The following GSPT1 variants were observed in gnomAD, a reference collection of about 807,000 sequenced individuals.
GSPT1 encodes eukaryotic peptide chain release factor GTP-binding subunit ERF3A.
GSPT1 carries 20 observed loss-of-function variants against 72.5 expected under a neutral mutation model. The observed-to-expected ratio is 0.28, with a 90% CI of 0.19 to 0.40. The LOEUF is 0.40. Among genes scored for constraint, GSPT1 ranks in the 10% least tolerant of loss-of-function variants. The pLI is 1.00. For synonymous variants in GSPT1, 334 were observed against 293.5 expected, an observed-to-expected ratio of 1.14 and a Z score of -1.41; for missense variants, 580 against 811.9, an observed-to-expected ratio of 0.71 and a Z score of 3.47.
At chr16:11,907,465 G>T (rs1753728670) in intron 1 of GSPT1, among the ~76,000 whole-genome samples, 1 of 152,154 alleles carries the variant, frequency 6.6e-6, no homozygotes, top group Non-Finnish European at 1.5e-5. Flanking sequence ...GGTGGTAAAT[G>T]CTCAATAAAT....
intron 1 of GSPT1, among the ~76,000 whole-genome samples, chr16:11,901,745 T>C (rs985128413): frequency 4.6e-5 from 7 of 151,060 alleles, no homozygotes; most frequent in African/African-American, 1.5e-4. Flanking sequence ...TGAGCCAAGA[T>C]TGCACCACCG....
intron 1 of GSPT1, among the ~76,000 whole-genome samples, chr16:11,901,101 G>A (rs1057119996): frequency 6.6e-6 from 1 of 152,206 alleles, no homozygotes; most frequent in African/African-American, 2.4e-5. Context: ...AGGTTGCAAT[G>A]AGACCTGACT....
chr16:11,892,499 C>G (rs1302623684), intron 5 of GSPT1, among the ~76,000 whole-genome samples: 2 of 114,522 alleles, frequency 1.7e-5, no homozygotes, highest in Non-Finnish European at 3.4e-5. Flanking sequence ...ACAGGGAGAC[C>G]CTTTCTCAAA....
Position 11,915,448 on chromosome 16 carries a change from C to G in GSPT1, c.273G>C (p.Arg91=). 1.3e-6 allele frequency: 2 copies of G among 1,542,370 alleles called. No homozygotes were observed. The highest frequency in any genetic ancestry group is 1.7e-6 in the Non-Finnish European group (2 of 1,146,930). ...HAAEFVPSFL[R]GPAAPPPPVG... is the part of the protein sequence containing the mutation. The stretch of plus-strand genomic sequence containing the variant: ...CTGGGGGTGGCGGCGCTGCCGGGCC[C>G]CGCAGGAAGGACGGCACGAACTCGG... The change falls in exon 1 of 15, where the codon CGG becomes CGC. Residue 91 remains arginine (R), a synonymous_variant. Transcript: ENST00000434724.
rs1327717163 is a variant in GSPT1 at position 11,872,802 on chromosome 16, TA to T, written c.*316del. On this transcript the variant is annotated 3_prime_UTR_variant, in exon 15 of 15. Transcript: ENST00000434724. Reference sequence around the variant, plus strand: ...ATATGCCTAAGGGGAAAATGAAAAATAAAAAAATTCCTGTAGGTTTTCATTA... The same window carrying T: ...ATATGCCTAAGGGGAAAATGAAAAATAAAAAATTCCTGTAGGTTTTCATTA... The T allele has an allele frequency of 7.5e-5, 19 of 253,306 alleles. No individual in the cohort carries two copies. Among genetic ancestry groups the T allele is most frequent in the Non-Finnish European group, 1.1e-4 (15 of 134,060 alleles). 15.7% of individuals were successfully genotyped at this position (253,306 alleles called of 1,614,324 possible).
At chr16:11,876,301 T>G in intron 12 of GSPT1, 126 bp from the exon 13 acceptor site, 1 of 707,162 alleles carries the variant, frequency 1.4e-6, no homozygotes, top group Non-Finnish European at 2.5e-6. Context: ...CTTAAGTGAT[T>G]TTTGTGTTAG....
At chr16:11,892,851 A>AAG (rs950060076) in intron 5 of GSPT1, among the ~76,000 whole-genome samples, 3 of 144,030 alleles carry the variant, frequency 2.1e-5, no homozygotes, top group Admixed American at 1.4e-4. Context: ...AAAAAAAAAA[A>AAG]AAAAGAAAAG....
rs548273026 is a variant in GSPT1 at position 11,869,412 on chromosome 16, T to C, written c.*3707A>G. 77 of 152,352 alleles carry C rather than the reference T, an allele frequency of 5.1e-4. No homozygotes were observed. The highest frequency in any genetic ancestry group is 1.8e-3 in the African/African-American group (75 of 41,576). 9.4% of individuals were successfully genotyped at this position (152,352 alleles called of 1,614,324 possible). A position where few individuals can be genotyped will look rare whatever the true frequency, so the allele number is the denominator to read the frequency against. On this transcript the variant is annotated 3_prime_UTR_variant, in exon 15 of 15. Coordinates refer to ENST00000434724, the MANE Select transcript of GSPT1 (RefSeq NM_002094.4). ...AGCTGCAAGAAATAAAAGCCTATTA[T>C]TTGGAGATAGATAATTGTCCCCTGA...
At chr16:11,912,589 C>G (rs2054574598) in intron 1 of GSPT1, among the ~76,000 whole-genome samples, 1 of 152,102 alleles carries the variant, frequency 6.6e-6, no homozygotes, top group African/African-American at 2.4e-5. Flanking sequence ...GCAAAGAACA[C>G]CACATCATTA....
In GSPT1 at chr16:11,868,871, A is replaced by T. The variant is rs1225114290; in HGVS notation, c.*4248T>A. ...ATCCTGGTGTTTTCTGCCTAATCAG[A>T]AGTAGTACCAACCTGCTTTTCCCTT... On this transcript the variant is annotated 3_prime_UTR_variant, in exon 15 of 15. Transcript: ENST00000434724. The T allele has an allele frequency of 6.6e-6, 1 of 152,230 alleles. No individual in the cohort carries two copies. Among genetic ancestry groups the T allele is most frequent in the African/African-American group, 2.4e-5 (1 of 41,452 alleles). The allele number at this position is 152,230 out of a possible 1,614,324, so 9.4% of individuals were successfully genotyped here.
chr16:11,902,789 T>C (rs2054431216), intron 1 of GSPT1, among the ~76,000 whole-genome samples: 2 of 152,002 alleles, frequency 1.3e-5, no homozygotes, highest in Admixed American at 6.6e-5. Flanking sequence ...GGTTTCACGA[T>C]GTTGCCAGGC....
chr16:11,916,329 C>G (rs958116468), upstream of GSPT1, among the ~76,000 whole-genome samples: 1 of 152,336 alleles, frequency 6.6e-6, no homozygotes, highest in Admixed American at 6.5e-5. Flanking sequence ...GGCCGAAGAC[C>G]GAGAGTATTT....
chr16:11,883,078 G>A lies in GSPT1; in HGVS notation c.1365C>T (p.Val455=), dbSNP rs545528580. Residue 455 remains valine, a synonymous_variant, in exon 11 of 15, where the codon GTC becomes GTT. Coordinates refer to ENST00000434724, the MANE Select transcript of GSPT1 (RefSeq NM_002094.4). The stretch of plus-strand genomic sequence containing the variant: ...TAGATCCTGATTCCAGCTTTCCCAG[G>A]ACCACAGTGCCCATATCCTGATCAA... ...VDKYKDMGTV[V]LGKLESGSIC... 1.2e-6 allele frequency: 2 copies of A among 1,604,090 alleles called. No homozygotes were observed. The highest frequency in any genetic ancestry group is 1.3e-5 in the African/African-American group (1 of 74,752).
chr16:11,876,292 T>C, intron 12 of GSPT1, 117 bp from the exon 13 acceptor site: 1 of 723,786 alleles, frequency 1.4e-6, no homozygotes, highest in East Asian at 2.5e-5. Context: ...GGACATCAAC[T>C]TAAGTGATTT....
chr16:11,878,743 C>T (rs981102105), intron 11 of GSPT1, among the ~76,000 whole-genome samples: 4 of 151,938 alleles, frequency 2.6e-5, no homozygotes, highest in South Asian at 2.1e-4. Context: ...AGGAGATACA[C>T]GGGAAATTTA....
chr16:11,886,370 C>A (rs1450083129), intron 9 of GSPT1, 101 bp downstream of exon 9: 1 of 710,474 alleles, frequency 1.4e-6, no homozygotes, highest in Non-Finnish European at 2.3e-6. Context: ...GATATATGCT[C>A]AAAAGCATAT....
At chr16:11,878,979 G>A (rs1453458587) in intron 11 of GSPT1, among the ~76,000 whole-genome samples, 1 of 151,576 alleles carries the variant, frequency 6.6e-6, no homozygotes, top group Non-Finnish European at 1.5e-5. Context: ...AGGAGGCTTG[G>A]GCAGGAGAAT....
intron 1 of GSPT1, chr16:11,904,016 C>A: frequency 4.5e-6 from 1 of 221,726 alleles, no homozygotes; most frequent in South Asian, 7.9e-5. Context: ...TTGGTTCACC[C>A]ACACCAAACT....
chr16:11,873,499 C>A (rs185191200), intron 14 of GSPT1, among the ~76,000 whole-genome samples: 20 of 152,202 alleles, frequency 1.3e-4, no homozygotes, highest in Admixed American at 5.9e-4. Context: ...TTAGTTGAGA[C>A]GGGATTTCAC....
Sources: allele counts gnomAD v4.1 joint callset (sites outside exome capture counted in the v4.1 genomes callset), GRCh38; gene constraint gnomAD v4.1.1; transcripts MANE v1.5; gene names NCBI Gene and HGNC (gene_info 2026-07-23, HGNC 2026-07-21).